The following LRMDA variants were observed in gnomAD, a reference collection of about 807,000 sequenced individuals.
The protein encoded by LRMDA is leucine rich melanocyte differentiation associated.
A neutral mutation model predicts 29.8 loss-of-function variants in LRMDA; 18 were observed. The observed-to-expected ratio is 0.60, with a 90% CI of 0.42 to 0.90. The LOEUF (loss-of-function observed/expected upper bound fraction) is 0.90, where lower values mean the gene tolerates loss of function less well. LRMDA is among the 40% of genes least tolerant of loss of function. LRMDA has a pLI of 0.00. For synonymous variants in LRMDA, 125 were observed against 109.4 expected (o/e 1.14, Z -0.89); for missense variants, 273 against 273.9 (o/e 1.00, Z 0.02).
chr10:76,316,031 T>TG (rs1273874452), intron 5 of LRMDA, among the ~76,000 whole-genome samples: 1 of 152,182 alleles, frequency 6.6e-6, no homozygotes, highest in Non-Finnish European at 1.5e-5. Flanking sequence ...TACCTCATTC[T>TG]TCCTGGATGC....
intron 2 of LRMDA, among the ~76,000 whole-genome samples, chr10:75,770,470 A>G (rs901271804): frequency 6.6e-6 from 1 of 152,234 alleles, no homozygotes; most frequent in Non-Finnish European, 1.5e-5. Context: ...ATATGCACAC[A>G]GTTAAAAATG....
intron 2 of LRMDA, among the ~76,000 whole-genome samples, chr10:75,873,009 G>A (rs1441090493): frequency 6.6e-6 from 1 of 152,098 alleles, no homozygotes; most frequent in African/African-American, 2.4e-5. Context: ...ATTTGAATAG[G>A]TTAAATAATA....
At chr10:75,804,729 T>C (rs1843818878) in intron 2 of LRMDA, among the ~76,000 whole-genome samples, 1 of 152,226 alleles carries the variant, frequency 6.6e-6, no homozygotes, top group South Asian at 2.1e-4. Flanking sequence ...TCATAGAATT[T>C]GGGCTGGCAG....
intron 5 of LRMDA, among the ~76,000 whole-genome samples, chr10:76,145,250 G>A (rs1174186579): frequency 7.1e-4 from 108 of 152,268 alleles, no homozygotes; most frequent in Non-Finnish European, 1.8e-4. Context: ...GATTGGAATA[G>A]TTTCAGAAGG....
chr10:76,185,547 T>TA (rs149434532), intron 5 of LRMDA, among the ~76,000 whole-genome samples: 1,938 of 152,028 alleles, frequency 0.013, 39 homozygotes, highest in African/African-American at 0.043. Flanking sequence ...TCCTGGTCTG[T>TA]AAAAAAAACA....
At chr10:75,861,976 C>CA (rs1379407939) in intron 2 of LRMDA, among the ~76,000 whole-genome samples, 7 of 152,098 alleles carry the variant, frequency 4.6e-5, no homozygotes, top group South Asian at 4.2e-4. Flanking sequence ...CTATCCCCCC[C>CA]AAGATTCTTG....
At chr10:76,321,288 C>T (rs1840767417) in intron 5 of LRMDA, among the ~76,000 whole-genome samples, 1 of 152,160 alleles carries the variant, frequency 6.6e-6, no homozygotes, top group Non-Finnish European at 1.5e-5. Flanking sequence ...TGTACATTCC[C>T]ACCAGCAAGG....
At chr10:75,788,765 A>G (rs1843517127) in intron 2 of LRMDA, among the ~76,000 whole-genome samples, 1 of 152,256 alleles carries the variant, frequency 6.6e-6, no homozygotes, top group Admixed American at 6.5e-5. Flanking sequence ...GAATAAAATC[A>G]CAGTCCTTTT....
At chr10:76,336,945 C>T (rs960268618) in intron 6 of LRMDA, among the ~76,000 whole-genome samples, 1 of 152,000 alleles carries the variant, frequency 6.6e-6, no homozygotes, top group African/African-American at 2.4e-5. Flanking sequence ...TTCTCCCCAC[C>T]CCCCTTTTTT....
chr10:75,800,907 G>A (rs1843735130), intron 2 of LRMDA, among the ~76,000 whole-genome samples: 1 of 152,174 alleles, frequency 6.6e-6, no homozygotes, highest in Non-Finnish European at 1.5e-5. Context: ...CCTACTGGCT[G>A]ACTACCTTGA....
chr10:76,541,020 A>G (rs1017529052), intron 6 of LRMDA, among the ~76,000 whole-genome samples: 1 of 152,212 alleles, frequency 6.6e-6, no homozygotes, highest in Non-Finnish European at 1.5e-5. Context: ...CCATGGAGCA[A>G]CATGTTTGAC....
At chr10:75,793,116 G>A (rs571265613) in intron 2 of LRMDA, among the ~76,000 whole-genome samples, 1 of 152,224 alleles carries the variant, frequency 6.6e-6, no homozygotes, top group Non-Finnish European at 1.5e-5. Flanking sequence ...TACAGAAACA[G>A]TATGATGTGC....
chr10:76,523,614 G>A (rs1843144770), intron 6 of LRMDA, among the ~76,000 whole-genome samples: 1 of 146,808 alleles, frequency 6.8e-6, no homozygotes, highest in East Asian at 2.2e-4. Flanking sequence ...AGGGGGGTGG[G>A]AAGGGAGGGA....
intron 6 of LRMDA, among the ~76,000 whole-genome samples, chr10:76,450,941 A>G (rs745804286): frequency 6.6e-6 from 1 of 152,120 alleles, no homozygotes; most frequent in Non-Finnish European, 1.5e-5. Flanking sequence ...TATCCTCCTC[A>G]TCTGAGTCAA....
intron 2 of LRMDA, among the ~76,000 whole-genome samples, chr10:75,855,836 C>G (rs1393121778): frequency 2.0e-5 from 3 of 152,080 alleles, no homozygotes. Context: ...TTTCCCCATT[C>G]CTTGTTTTTG....
chr10:76,190,679 T>C (rs921500678), intron 5 of LRMDA, among the ~76,000 whole-genome samples: 4 of 152,198 alleles, frequency 2.6e-5, no homozygotes, highest in African/African-American at 4.8e-5. Flanking sequence ...TAGAAATGCA[T>C]TGAAGTGTTT....
chr10:76,343,858 C>T (rs1454512595), intron 6 of LRMDA, among the ~76,000 whole-genome samples: 1 of 141,010 alleles, frequency 7.1e-6, no homozygotes, highest in East Asian at 2.1e-4. Context: ...TGCTCTGTTG[C>T]CTGGGCTGGA....
intron 5 of LRMDA, among the ~76,000 whole-genome samples, chr10:76,183,332 A>G (rs1851087996): frequency 6.6e-6 from 1 of 152,256 alleles, no homozygotes; most frequent in African/African-American, 2.4e-5. Context: ...GATTTGAAAT[A>G]GATTTCAACA....
At chr10:76,493,892 C>G (rs1221501311) in intron 6 of LRMDA, among the ~76,000 whole-genome samples, 1 of 152,026 alleles carries the variant, frequency 6.6e-6, no homozygotes, top group Non-Finnish European at 1.5e-5. Context: ...ATTTATTTCT[C>G]TCAGCAACAT....
Sources: gnomAD v4.1 joint callset for allele counts (sites outside exome capture counted in the v4.1 genomes callset) on GRCh38, gnomAD v4.1.1 for gene constraint, MANE v1.5 for transcripts, NCBI Gene and HGNC (gene_info 2026-07-23, HGNC 2026-07-21) for gene names.